Variants in GAS2 observed in about 807,000 individuals in gnomAD.
The protein encoded by GAS2 is growth arrest specific 2.
In GAS2, 20 loss-of-function variants were observed where a neutral mutation model predicts 37.5. The observed-to-expected ratio is 0.53, with a 90% CI of 0.37 to 0.77. The LOEUF (loss-of-function observed/expected upper bound fraction) is 0.77. Among genes scored for constraint, GAS2 ranks in the 30% least tolerant of loss-of-function variants. The pLI, the probability that GAS2 is intolerant of heterozygous loss-of-function variation, is 0.00. For synonymous variants in GAS2, 144 were observed against 132.2 expected (o/e 1.09, Z -0.61); for missense variants, 336 against 373.4 (o/e 0.90, Z 0.82).
intron 5 of GAS2, among the ~76,000 whole-genome samples, chr11:22,748,354 G>A (rs989617956): frequency 6.6e-6 from 1 of 151,860 alleles, no homozygotes; most frequent in African/African-American, 2.4e-5. Flanking sequence ...CCCCACCTAG[G>A]TACAGTTGAT....
intron 7 of GAS2, among the ~76,000 whole-genome samples, chr11:22,782,834 A>G (rs1180943169): frequency 8.8e-6 from 1 of 114,014 alleles, no homozygotes. Context: ...TATTTTCTTT[A>G]TCCAATCTAC....
At chr11:22,673,603 C>A (rs1226208359) in intron 1 of GAS2, among the ~76,000 whole-genome samples, 2 of 152,086 alleles carry the variant, frequency 1.3e-5, no homozygotes, top group Non-Finnish European at 2.9e-5. Context: ...ATAAATAATG[C>A]ATACAAAAGT....
chr11:22,649,952 T>G (rs1379169924), intron 1 of GAS2, among the ~76,000 whole-genome samples: 1 of 152,180 alleles, frequency 6.6e-6, no homozygotes, highest in Non-Finnish European at 1.5e-5. Context: ...TTTCTTGTCT[T>G]CTGCTGGCTT....
intron 3 of GAS2, among the ~76,000 whole-genome samples, chr11:22,687,830 C>T (rs958006844): frequency 1.3e-5 from 2 of 152,106 alleles, no homozygotes; most frequent in Admixed American, 1.3e-4. Flanking sequence ...GCTGTGGTGC[C>T]CAGACTCTTG....
intron 4 of GAS2, 110 bp from the exon 5 acceptor site, chr11:22,737,595 A>T: frequency 1.1e-6 from 1 of 945,672 alleles, no homozygotes; most frequent in Non-Finnish European, 1.7e-6. Flanking sequence ...CAGAATGAAG[A>T]CTAGATCCTT....
At chr11:22,786,895 A>G (rs997360845) in intron 7 of GAS2, among the ~76,000 whole-genome samples, 57 of 152,154 alleles carry the variant, frequency 3.7e-4, no homozygotes, top group African/African-American at 1.4e-3. Context: ...TCACTACCCT[A>G]TAGATTCTGA....
intron 6 of GAS2, among the ~76,000 whole-genome samples, chr11:22,752,269 T>G (rs768770903): frequency 6.6e-6 from 1 of 152,036 alleles, no homozygotes; most frequent in Non-Finnish European, 1.5e-5. Flanking sequence ...CTAAACTTAT[T>G]TGACCACAGA....
intron 3 of GAS2, among the ~76,000 whole-genome samples, chr11:22,709,895 G>A (rs1163909425): frequency 1.3e-5 from 2 of 151,674 alleles, no homozygotes; most frequent in Non-Finnish European, 2.9e-5. Flanking sequence ...ATCATTCTCA[G>A]TAAACTATTG....
At chr11:22,735,264 T>C (rs1428398162) in intron 4 of GAS2, among the ~76,000 whole-genome samples, 2 of 143,870 alleles carry the variant, frequency 1.4e-5, no homozygotes, top group African/African-American at 5.0e-5. Flanking sequence ...GTGGCCAGGC[T>C]TGGTATATTC....
intron 3 of GAS2, among the ~76,000 whole-genome samples, chr11:22,690,077 A>T (rs1380768264): frequency 1.3e-5 from 2 of 152,186 alleles, no homozygotes; most frequent in African/African-American, 2.4e-5. Context: ...CCTCATTTTC[A>T]TAGCAATATT....
At chr11:22,756,425 A>T (rs1290313486) in intron 7 of GAS2, among the ~76,000 whole-genome samples, 4 of 152,138 alleles carry the variant, frequency 2.6e-5, no homozygotes, top group South Asian at 2.1e-4. Flanking sequence ...GATGTTTTTT[A>T]AAAAAGCTAT....
rs142450122 is a variant in GAS2, at chr11:22,724,125, C to T, written c.268-2167C>T. Among the ~76,000 whole-genome samples the T allele has an allele frequency of 6.2e-4, 94 of 151,976 alleles. 2 individuals carry two copies. The Middle Eastern group carries it at 0.017, about 27-fold the overall frequency. On this transcript the variant is annotated intron_variant, in intron 3 of 7. Coordinates refer to ENST00000454584, the MANE Select transcript of GAS2 (RefSeq NM_001143830.3). Reference sequence around the variant, plus strand: ...CACAACATATTTACCTGCAATTTAACTTTATGGCCATCTGTGTTGCATGTG... The same window carrying T: ...CACAACATATTTACCTGCAATTTAATTTTATGGCCATCTGTGTTGCATGTG...
chr11:22,728,730 A>G (rs1459495255), intron 4 of GAS2, among the ~76,000 whole-genome samples: 1 of 151,770 alleles, frequency 6.6e-6, no homozygotes, highest in Non-Finnish European at 1.5e-5. Flanking sequence ...GGCTCTAGGG[A>G]TGTAATAGAA....
chr11:22,740,681 C>T (rs1355814936), intron 5 of GAS2, among the ~76,000 whole-genome samples: 2 of 152,072 alleles, frequency 1.3e-5, no homozygotes, highest in Non-Finnish European at 2.9e-5. Flanking sequence ...ACTGTTTTAC[C>T]CCTGTGTTGA....
At chr11:22,662,368 A>C (rs1565070764), upstream of GAS2, among the ~76,000 whole-genome samples, 1 of 152,206 alleles carries the variant, frequency 6.6e-6, no homozygotes, top group Non-Finnish European at 1.5e-5. Flanking sequence ...TAAACTATTA[A>C]ATTAGAGACA....
intron 1 of GAS2, among the ~76,000 whole-genome samples, chr11:22,671,179 T>C (rs1380597549): frequency 3.9e-5 from 6 of 152,096 alleles, no homozygotes; most frequent in Admixed American, 3.9e-4. Context: ...ATATTCATAA[T>C]TGTTATTCCA....
intron 7 of GAS2, among the ~76,000 whole-genome samples, chr11:22,792,072 A>G (rs1182964157): frequency 6.6e-6 from 1 of 152,262 alleles, no homozygotes; most frequent in East Asian, 1.9e-4. Context: ...AAGCAGGAAC[A>G]TATCATTGCA....
At chr11:22,811,279 G>A (rs928139837) in intron 7 of GAS2, among the ~76,000 whole-genome samples, 12 of 152,176 alleles carry the variant, frequency 7.9e-5, no homozygotes, top group African/African-American at 2.9e-4. Context: ...GCCTTCAAGG[G>A]CTCAGACAAT....
intron 7 of GAS2, among the ~76,000 whole-genome samples, chr11:22,782,766 CTTT>C (rs34122574): frequency 2.2e-4 from 25 of 113,834 alleles, no homozygotes; most frequent in African/African-American, 6.4e-4. Context: ...TGATTTTGTT[CTTT>C]TTTTTTTTTT....
Sources: gnomAD v4.1 joint callset for allele counts (sites outside exome capture counted in the v4.1 genomes callset) on GRCh38, gnomAD v4.1.1 for gene constraint, MANE v1.5 for transcripts, NCBI Gene and HGNC (gene_info 2026-07-23, HGNC 2026-07-21) for gene names.